Variants in RASGRF1 observed in about 807,000 individuals in gnomAD.
RASGRF1 encodes Ras protein specific guanine nucleotide releasing factor 1.
Under a neutral mutation model 138.7 loss-of-function variants are expected in RASGRF1, and 40 were observed. That is an observed-to-expected ratio of 0.29 (90% confidence interval 0.22 to 0.38). The LOEUF is 0.38. Ranked by LOEUF, RASGRF1 falls within the 10% of genes least tolerant of loss-of-function variation. The probability of loss-of-function intolerance (pLI) is 1.00; values close to 1 mark genes in which losing one functional copy is unlikely to be tolerated. For missense variants in RASGRF1, 1,108 were observed against 1,650.4 expected, an observed-to-expected ratio of 0.67 and a Z score of 5.69; for synonymous variants, 614 against 663.2, an observed-to-expected ratio of 0.93 and a Z score of 1.14.
intron 2 of RASGRF1, among the ~76,000 whole-genome samples, chr15:79,061,211 T>A (rs1016406763): frequency 1.3e-5 from 2 of 151,962 alleles, no homozygotes; most frequent in Admixed American, 1.3e-4. Flanking sequence ...CTGGAAGTGA[T>A]GATTTCTCAG....
At chr15:79,069,663 C>T (rs1056266457) in intron 1 of RASGRF1, among the ~76,000 whole-genome samples, 50 of 152,160 alleles carry the variant, frequency 3.3e-4, no homozygotes, top group African/African-American at 1.2e-3. Context: ...ATAGTAAAGA[C>T]TATAAATGCT....
intron 24 of RASGRF1, among the ~76,000 whole-genome samples, chr15:78,975,754 A>G (rs2055858211): frequency 1.3e-5 from 2 of 152,288 alleles, no homozygotes; most frequent in East Asian, 3.9e-4. Flanking sequence ...TCCTAAGCTC[A>G]AGTGATCTGC....
At chr15:79,011,940 C>A (rs915863789) in intron 13 of RASGRF1, among the ~76,000 whole-genome samples, 2 of 151,056 alleles carry the variant, frequency 1.3e-5, no homozygotes, top group Non-Finnish European at 2.9e-5. Flanking sequence ...CACTTGAGCC[C>A]AGGAAGTAGA....
chr15:79,071,401 C>T (rs1273670581), intron 1 of RASGRF1, among the ~76,000 whole-genome samples: 2 of 151,092 alleles, frequency 1.3e-5, no homozygotes, highest in African/African-American at 4.9e-5. Flanking sequence ...ACTCTGTTGC[C>T]CAGGCTGGAG....
At chr15:79,030,696 T>G (rs1392010882) in intron 8 of RASGRF1, among the ~76,000 whole-genome samples, 5 of 152,238 alleles carry the variant, frequency 3.3e-5, no homozygotes, top group Non-Finnish European at 7.3e-5. Context: ...GGAATCACCC[T>G]TGACTCTAGT....
chr15:79,067,209 G>C (rs72732672), intron 1 of RASGRF1, among the ~76,000 whole-genome samples: 1 of 152,080 alleles, frequency 6.6e-6, no homozygotes, highest in South Asian at 2.1e-4. Flanking sequence ...AGGCTCCAGG[G>C]GCCAGGGCGA....
intron 22 of RASGRF1, 141 bp from the exon 23 acceptor site, chr15:78,985,345 G>C: frequency 1.1e-6 from 1 of 883,138 alleles, no homozygotes; most frequent in Non-Finnish European, 1.7e-6. Context: ...AACAGAGCTT[G>C]CTAGGGTTGC....
chr15:78,973,545 C>T lies in RASGRF1; in HGVS notation c.3495-125G>A. The stretch of plus-strand genomic sequence containing the variant: ...AAAGGGACTTGCAGTCACCAAGAAT[C>T]ACACTACACTCTAGAACTGACTATT... On this transcript the variant is annotated intron_variant, in intron 24 of 26. Coordinates refer to ENST00000558480, the MANE Select transcript of RASGRF1 (RefSeq NM_001145648.3). The surrounding 1 kb of genome is among the most constrained non-coding windows in gnomAD (Gnocchi z 4.9). The T allele has an allele frequency of 1.4e-6, 1 of 696,422 alleles. No homozygotes were observed. The highest frequency in any genetic ancestry group is 2.5e-6 in the Non-Finnish European group (1 of 401,536). The allele number at this position is 696,422 out of a possible 1,614,324, so 43.1% of individuals were successfully genotyped here.
In RASGRF1 at chr15:79,027,939, A is replaced by G; in HGVS notation, c.1263-80T>C. 1 of 1,372,308 alleles carries G rather than the reference A, an allele frequency of 7.3e-7. No individual in the cohort carries two copies. Among genetic ancestry groups the G allele is most frequent in the Non-Finnish European group, 1.0e-6 (1 of 970,230 alleles). The allele number at this position is 1,372,308 out of a possible 1,614,324, so 85.0% of individuals were successfully genotyped here. ...AGGCGAGAATGCCAGGCTTCTGGCC[A>G]GACCTAGGAAGAAAGCCTGGCACAA... On this transcript the variant is annotated intron_variant, in intron 8 of 26. Coordinates refer to ENST00000558480, the MANE Select transcript of RASGRF1 (RefSeq NM_001145648.3). This position sits in a 1 kb window ranked among gnomAD's most constrained non-coding sequence, Gnocchi z 4.8.
chr15:79,058,525 C>T, intron 2 of RASGRF1, 44 bp from the exon 3 acceptor site: 1 of 1,603,842 alleles, frequency 6.2e-7, no homozygotes, highest in African/African-American at 1.3e-5. Flanking sequence ...GACTCCTTGT[C>T]CTCTGGCGAA....
At chr15:79,084,084 CAT>C (rs1376023169) in intron 1 of RASGRF1, among the ~76,000 whole-genome samples, 2 of 152,180 alleles carry the variant, frequency 1.3e-5, no homozygotes, top group Admixed American at 6.5e-5. Context: ...GGAAACCTAA[CAT>C]ATAAAACAGT....
intron 4 of RASGRF1, among the ~76,000 whole-genome samples, chr15:79,048,448 A>C (rs2057384594): frequency 6.6e-6 from 1 of 152,190 alleles, no homozygotes. Flanking sequence ...ACCTTGGGCA[A>C]GTTCCTTTGC....
At chr15:79,082,326 C>T (rs1432064667) in intron 1 of RASGRF1, among the ~76,000 whole-genome samples, 1 of 152,184 alleles carries the variant, frequency 6.6e-6, no homozygotes, top group Non-Finnish European at 1.5e-5. Flanking sequence ...GAGTGGGTCC[C>T]TTCTGGGAAA....
intron 5 of RASGRF1, among the ~76,000 whole-genome samples, chr15:79,044,509 G>C (rs935952729): frequency 6.6e-5 from 10 of 152,236 alleles, no homozygotes; most frequent in Middle Eastern, 3.2e-3. Context: ...TCTGTTGAAT[G>C]AGTGAGTGGA....
In RASGRF1 at chr15:79,053,077, C is replaced by T. The variant is rs568507948; in HGVS notation, c.532-3489G>A. On this transcript the variant is annotated intron_variant, in intron 3 of 26. Coordinates refer to ENST00000558480, the MANE Select transcript of RASGRF1 (RefSeq NM_001145648.3). ...GGTCTGGAGTTTGAGACCAGCCTGGCCAACATGGTGAAACCCCATCTTACT... is the reference window on the plus strand; with the variant it reads ...GGTCTGGAGTTTGAGACCAGCCTGGTCAACATGGTGAAACCCCATCTTACT... Among the ~76,000 whole-genome samples, 101 of 152,094 alleles carry T rather than the reference C, an allele frequency of 6.6e-4. 1 individual carries two copies. Among genetic ancestry groups the T allele is most frequent in the African/African-American group, 2.4e-3 (98 of 41,466 alleles).
At chr15:79,089,036 T>C (rs1307217294) in intron 1 of RASGRF1, among the ~76,000 whole-genome samples, 7 of 152,218 alleles carry the variant, frequency 4.6e-5, no homozygotes, top group African/African-American at 1.4e-4. Context: ...GGAGGAAGAC[T>C]TCAAGCGATG....
Position 79,015,635 on chromosome 15 carries a change from G to A in RASGRF1, c.1744-226C>T, listed in dbSNP as rs184101280. Among the ~76,000 whole-genome samples the A allele has an allele frequency of 1.3e-3, 197 of 152,338 alleles. 2 individuals are homozygous for A. Among genetic ancestry groups the A allele is most frequent in the Non-Finnish European group, 2.1e-4 (14 of 68,032 alleles). ...CCTTGGGGAACTTACTTGACCTCAA[G>A]TCTTAGTTTCATTATATGCAAAGTG... On this transcript the variant is annotated intron_variant, in intron 12 of 26. Transcript: ENST00000558480.
intron 24 of RASGRF1, among the ~76,000 whole-genome samples, chr15:78,974,423 T>C (rs2055833384): frequency 2.0e-5 from 3 of 152,190 alleles, no homozygotes; most frequent in South Asian, 2.1e-4. Flanking sequence ...GGGAGGATGA[T>C]AGAGCAAGAG....
chr15:79,007,544 AGT>A (rs1491570448), intron 13 of RASGRF1, among the ~76,000 whole-genome samples: 2 of 49,656 alleles, frequency 4.0e-5, no homozygotes, highest in African/African-American at 7.1e-5. Flanking sequence ...GGCCGTATCT[AGT>A]TTTTTTTTTT....
Sources: gnomAD v4.1 joint callset for allele counts (sites outside exome capture counted in the v4.1 genomes callset) on GRCh38, gnomAD v4.1.1 for gene constraint, Gnocchi (gnomAD v3.1) non-coding constraint, MANE v1.5 for transcripts, NCBI Gene and HGNC (gene_info 2026-07-23, HGNC 2026-07-21) for gene names.